The following TICAM2 variants were observed in gnomAD, a reference collection of about 807,000 sequenced individuals.
TICAM2 encodes TIR domain containing adaptor molecule 2.
TICAM2 carries 8 observed loss-of-function variants against 7.3 expected under a neutral mutation model. That is an observed-to-expected ratio of 1.10 (90% CI 0.65 to 1.99). The LOEUF (loss-of-function observed/expected upper bound fraction) is 1.99, where lower values mean the gene tolerates loss of function less well. TICAM2 is among the 30% of genes most tolerant of loss of function. The probability of loss-of-function intolerance (pLI) is 0.00; values close to 1 mark genes in which losing one functional copy is unlikely to be tolerated. For synonymous variants in TICAM2, 113 were observed against 99.6 expected, an observed-to-expected ratio of 1.13 and a Z score of -0.80; for missense variants, 304 against 278.8, an observed-to-expected ratio of 1.09 and a Z score of -0.65.
At chr5:115,600,289 G>C (rs1036654931) in intron 1 of TICAM2, among the ~76,000 whole-genome samples, 3 of 152,232 alleles carry the variant, frequency 2.0e-5, no homozygotes, top group Admixed American at 2.0e-4. Flanking sequence ...AGACTTCCAA[G>C]TGGAGATGCT....
intron 1 of TICAM2, among the ~76,000 whole-genome samples, chr5:115,582,339 TTTTTTTTTTTTTTTGG>T (rs1561573202): frequency 7.6e-6 from 1 of 131,680 alleles, no homozygotes; most frequent in Non-Finnish European, 1.6e-5. Context: ...TTTTTTTTGG[TTTTTTTTTTTTTTTGG>T]TAGAGATGGG....
At chr5:115,590,748 A>G (rs1483746849) in intron 1 of TICAM2, among the ~76,000 whole-genome samples, 6 of 152,224 alleles carry the variant, frequency 3.9e-5, no homozygotes, top group Non-Finnish European at 8.8e-5. Context: ...CTTTAGAACT[A>G]TCATCTTACC....
At chr5:115,598,130 T>C (rs957066544) in intron 1 of TICAM2, among the ~76,000 whole-genome samples, 5 of 152,352 alleles carry the variant, frequency 3.3e-5, no homozygotes, top group South Asian at 2.1e-4. Context: ...TTCTAGGCTT[T>C]ATATTTTTAT....
Position 115,580,956 on chromosome 5 carries a change from G to A in TICAM2, c.301C>T (p.Gln101Ter), listed in dbSNP as rs748924743. ...CCGGGTTTGATACCAAAGTCATCTT[G>A]TAGCAGATTCTGGACTCTGAGGGCT... Reference protein sequence around the residue: ...DEALRVQNLLQDDFGIKPGII... With the variant: ...DEALRVQNLL Residue 101 changes from glutamine to a stop codon, truncating the protein, a stop_gained, in exon 2 of 2, where the codon CAA becomes TAA. Coordinates refer to ENST00000427199, the MANE Select transcript of TICAM2 (RefSeq NM_021649.7). LOFTEE classifies it high-confidence loss of function. 1.5e-5 allele frequency: 24 copies of A among 1,613,562 alleles called. No homozygotes were observed. The South Asian group carries it at 2.5e-4, about 17-fold the overall frequency.
At position 115,588,226 on chromosome 5, in the gene TICAM2, C is replaced by T. The variant is rs1449486641; in HGVS notation, c.-59-6911G>A. On this transcript the variant is annotated intron_variant, in intron 1 of 1. Coordinates refer to ENST00000427199, the MANE Select transcript of TICAM2 (RefSeq NM_021649.7). ...TTGCTAGTAAAGAGGGTGAAATATA[C>T]GTGTGGAAGCGTCTTAGAATTAAGG... Among the ~76,000 whole-genome samples, 6 of 152,258 alleles carry T rather than the reference C, an allele frequency of 3.9e-5. No individual in the cohort carries two copies. The South Asian group carries it at 6.2e-4, about 16-fold the overall frequency.
chr5:115,590,114 G>A (rs993566404), intron 1 of TICAM2, among the ~76,000 whole-genome samples: 1 of 152,112 alleles, frequency 6.6e-6, no homozygotes, highest in African/African-American at 2.4e-5. Context: ...TTGAGAAGCC[G>A]AGGTGGGAGG....
intron 1 of TICAM2, among the ~76,000 whole-genome samples, chr5:115,597,724 T>C (rs1755563383): frequency 6.6e-6 from 1 of 152,180 alleles, no homozygotes; most frequent in Non-Finnish European, 1.5e-5. Flanking sequence ...CCAGGACCCC[T>C]GCATATACCA....
chr5:115,593,443 A>C (rs1485446540), intron 1 of TICAM2, among the ~76,000 whole-genome samples: 1 of 152,238 alleles, frequency 6.6e-6, no homozygotes, highest in African/African-American at 2.4e-5. Flanking sequence ...AAAAAATATC[A>C]AATAGTTGGG....
rs183450691 is a variant in TICAM2, at chr5:115,581,344, T to C, written c.-59-29A>G. ...AAAGAAGTAACAAAACAGAAGAATA[T>C]TATAAATTTAATCAAAACATTAAAA... On this transcript the variant is annotated intron_variant, in intron 1 of 1. Transcript: ENST00000427199. The C allele has an allele frequency of 4.4e-3, 6,877 of 1,547,968 alleles. 23 individuals carry two copies. Among genetic ancestry groups the C allele is most frequent in the Admixed American group, 6.1e-3 (315 of 51,594 alleles).
intron 1 of TICAM2, among the ~76,000 whole-genome samples, chr5:115,592,881 G>A (rs1031433793): frequency 2.0e-5 from 3 of 152,218 alleles, no homozygotes; most frequent in Non-Finnish European, 4.4e-5. Flanking sequence ...GGTGGCTCAC[G>A]CCTGTAATCC....
At position 115,580,508 on chromosome 5, in the gene TICAM2, G is replaced by A; in HGVS notation, c.*41C>T. On this transcript the variant is annotated 3_prime_UTR_variant, in exon 2 of 2. Coordinates refer to ENST00000427199, the MANE Select transcript of TICAM2 (RefSeq NM_021649.7). ...TTCTCAAGTGAAGATTAATCATTTG[G>A]TTTACAAAACAAGAGCCAGCCACAT... 1 of 1,512,614 alleles carries A rather than the reference G, an allele frequency of 6.6e-7. No individual in the cohort carries two copies. The highest frequency in any genetic ancestry group is 1.3e-5 in the South Asian group (1 of 74,426). The allele number at this position is 1,512,614 out of a possible 1,614,324, so 93.7% of individuals were successfully genotyped here.
chr5:115,585,040 T>C (rs1218323537), intron 1 of TICAM2, among the ~76,000 whole-genome samples: 11 of 152,222 alleles, frequency 7.2e-5, no homozygotes. Context: ...CTATGCACTC[T>C]GGAATCAGAC....
chr5:115,594,904 G>A (rs1755450759), intron 1 of TICAM2, among the ~76,000 whole-genome samples: 1 of 151,932 alleles, frequency 6.6e-6, no homozygotes, highest in African/African-American at 2.4e-5. Flanking sequence ...TTTTTTTTAG[G>A]AGACAAGCTC....
intron 1 of TICAM2, among the ~76,000 whole-genome samples, chr5:115,591,584 T>C (rs900943325): frequency 2.6e-5 from 4 of 152,032 alleles, no homozygotes; most frequent in African/African-American, 9.7e-5. Context: ...AAAAAAGGCA[T>C]GGCAGGTAAG....
chr5:115,587,221 C>T (rs1755138176), intron 1 of TICAM2, among the ~76,000 whole-genome samples: 1 of 152,184 alleles, frequency 6.6e-6, no homozygotes, highest in Non-Finnish European at 1.5e-5. Flanking sequence ...TGCTGGCAGA[C>T]AGATAGCCCC....
chr5:115,599,394 A>T (rs1477054365), intron 1 of TICAM2, among the ~76,000 whole-genome samples: 2 of 152,176 alleles, frequency 1.3e-5, no homozygotes, highest in South Asian at 4.1e-4. Flanking sequence ...CTGATGGTAA[A>T]GGGCAAATCT....
At chr5:115,581,604 A>C (rs1236817297) in intron 1 of TICAM2, 2 of 331,892 alleles carry the variant, frequency 6.0e-6, no homozygotes, top group African/African-American at 4.3e-5. Flanking sequence ...AGATTGAAAT[A>C]AATTACGTTG....
rs256965 is a variant in TICAM2, at chr5:115,602,270, G to T, written c.-233C>A. The T allele has an allele frequency of 2.6e-5, 4 of 152,442 alleles. No homozygotes were observed. The East Asian group carries it at 5.8e-4, about 22-fold the overall frequency. 9.4% of individuals were successfully genotyped at this position (152,442 alleles called of 1,614,324 possible). On this transcript the variant is annotated 5_prime_UTR_variant, in exon 1 of 2. Coordinates refer to ENST00000427199, the MANE Select transcript of TICAM2 (RefSeq NM_021649.7). ...ACCACAGCAGCCTGCTCCCCACCGC[G>T]CTTGCAGAGCCCGGACGCGCGTGAG...
Position 115,581,064 on chromosome 5 carries a change from C to T in TICAM2, c.193G>A (p.Val65Met), listed in dbSNP as rs371836337. 6.9e-5 allele frequency: 111 copies of T among 1,614,042 alleles called. No homozygotes were observed. Among genetic ancestry groups the T allele is most frequent in the East Asian group, 1.8e-4 (8 of 44,892 alleles). Reference sequence around the variant, plus strand: ...GCTTCTTCTTCAAACATCTCTTCCACGCTCTGAGCTCCCTCCTGCTTTCCT... The same window carrying T: ...GCTTCTTCTTCAAACATCTCTTCCATGCTCTGAGCTCCCTCCTGCTTTCCT... ...PTGKQEGAQS[V>M]EEMFEEEAEE... The change falls in exon 2 of 2, where the codon GTG becomes ATG. Residue 65 changes from valine (V) to methionine (M), a missense_variant. By Grantham distance (21) the Val-to-Met change is conservative. Transcript: ENST00000427199.
Sources: gnomAD v4.1 joint callset for allele counts (sites outside exome capture counted in the v4.1 genomes callset) on GRCh38, gnomAD v4.1.1 for gene constraint, MANE v1.5 for transcripts, NCBI Gene and HGNC (gene_info 2026-07-23, HGNC 2026-07-21) for gene names.